PRKG1: variants seen among roughly 807,000 people sequenced by gnomAD.
PRKG1 encodes the protein protein kinase cGMP-dependent 1, also known as cGMP-dependent protein kinase 1.
Under a neutral mutation model 88.1 loss-of-function variants are expected in PRKG1, and 35 were observed. The ratio of observed to expected loss-of-function variants is 0.40; its 90% CI spans 0.30 to 0.53. The LOEUF is 0.53. PRKG1 is among the 20% of genes least tolerant of loss of function. The pLI, the probability that PRKG1 is intolerant of heterozygous loss-of-function variation, is 0.59. For synonymous variants in PRKG1, 303 were observed against 292.5 expected (o/e 1.04, Z -0.37); for missense variants, 540 against 839.8 (o/e 0.64, Z 4.41).
intron 5 of PRKG1, among the ~76,000 whole-genome samples, chr10:51,973,961 GA>G (rs1843768619): frequency 6.6e-6 from 1 of 152,198 alleles, no homozygotes; most frequent in African/African-American, 2.4e-5. Context: ...AAAATTATAT[GA>G]AATTTAAATT....
At chr10:51,686,260 A>G (rs1351716991) in intron 3 of PRKG1, among the ~76,000 whole-genome samples, 1 of 152,122 alleles carries the variant, frequency 6.6e-6, no homozygotes, top group Non-Finnish European at 1.5e-5. Flanking sequence ...GGTAATAAGC[A>G]TAGTACCCAA....
intron 1 of PRKG1, among the ~76,000 whole-genome samples, chr10:51,126,336 A>C (rs1589172949): frequency 7.7e-6 from 1 of 129,556 alleles, no homozygotes; most frequent in African/African-American, 2.9e-5. Context: ...TATATTTTAT[A>C]TTATTTTATA....
At chr10:51,942,002 T>C (rs1842919540) in intron 5 of PRKG1, among the ~76,000 whole-genome samples, 1 of 152,194 alleles carries the variant, frequency 6.6e-6, no homozygotes, top group East Asian at 1.9e-4. Flanking sequence ...GTATTTCTAG[T>C]TCTGGATCCC....
chr10:51,330,110 TTTA>T (rs1304190810), intron 2 of PRKG1, among the ~76,000 whole-genome samples: 15 of 6,608 alleles, frequency 2.3e-3, no homozygotes, highest in Admixed American at 3.8e-3. Context: ...TGCTCTTTTA[TTTA>T]TTTATTTATT....
chr10:51,386,338 G>T (rs1238986028), intron 2 of PRKG1, among the ~76,000 whole-genome samples: 1 of 152,104 alleles, frequency 6.6e-6, no homozygotes, highest in African/African-American at 2.4e-5. Context: ...CACAATTATG[G>T]AAGCTGAAAA....
Position 52,169,529 on chromosome 10 carries a change from C to T in PRKG1, c.1076+7566C>T, listed in dbSNP as rs534328397. ...CACCATCACGATGGGGATTAGGTTT[C>T]CACACATGAATTTAGGTAGGAGGCA... On this transcript the variant is annotated intron_variant, in intron 9 of 17. Coordinates refer to ENST00000373980, the MANE Select transcript of PRKG1 (RefSeq NM_006258.4). 3.0e-4 allele frequency among the ~76,000 whole-genome samples: 46 copies of T among 152,264 alleles called. 1 individual carries two copies. The highest frequency in any genetic ancestry group is 1.1e-3 in the African/African-American group (46 of 41,556).
At chr10:52,055,462 CTT>C (rs920517039) in intron 6 of PRKG1, among the ~76,000 whole-genome samples, 1 of 152,078 alleles carries the variant, frequency 6.6e-6, no homozygotes, top group Non-Finnish European at 1.5e-5. Context: ...ATTTCTAAAA[CTT>C]TTAATTTTTC....
At chr10:51,819,671 G>C (rs1476541444) in intron 4 of PRKG1, among the ~76,000 whole-genome samples, 1 of 152,148 alleles carries the variant, frequency 6.6e-6, no homozygotes, top group African/African-American at 2.4e-5. Context: ...GTCTAGGGGA[G>C]TAAGTGACCC....
chr10:52,175,038 A>G (rs1270948121), intron 9 of PRKG1, among the ~76,000 whole-genome samples: 1 of 152,026 alleles, frequency 6.6e-6, no homozygotes, highest in African/African-American at 2.4e-5. Context: ...TGAAACTATC[A>G]TTAACTGTGT....
intron 1 of PRKG1, among the ~76,000 whole-genome samples, chr10:51,111,750 A>G (rs187678687): frequency 2.6e-5 from 4 of 152,312 alleles, no homozygotes; most frequent in Admixed American, 6.5e-5. Flanking sequence ...TTTAAAAGAG[A>G]TATTTACAAA....
chr10:52,244,821 TTTAA>T (rs1564530325), intron 9 of PRKG1, among the ~76,000 whole-genome samples: 4 of 120,378 alleles, frequency 3.3e-5, no homozygotes, highest in African/African-American at 2.8e-5. Context: ...TTTAAATATA[TTTAA>T]ATATACTTTA....
chr10:52,100,888 A>G (rs955032774), intron 7 of PRKG1, among the ~76,000 whole-genome samples: 2 of 152,232 alleles, frequency 1.3e-5, no homozygotes, highest in African/African-American at 4.8e-5. Context: ...CTTAAAGGAA[A>G]TAATATTTTC....
At chr10:51,244,544 G>T (rs929436216) in intron 2 of PRKG1, among the ~76,000 whole-genome samples, 2 of 151,788 alleles carry the variant, frequency 1.3e-5, no homozygotes, top group African/African-American at 4.8e-5. Flanking sequence ...GAATCCAAAG[G>T]CCCCGTTTTA....
At chr10:51,602,169 A>T (rs986533044) in intron 3 of PRKG1, among the ~76,000 whole-genome samples, 2 of 152,174 alleles carry the variant, frequency 1.3e-5, no homozygotes, top group African/African-American at 4.8e-5. Context: ...GGGTTCGCTC[A>T]ACACAAATAT....
At chr10:51,225,738 T>TA (rs1468733671) in intron 2 of PRKG1, among the ~76,000 whole-genome samples, 1 of 152,078 alleles carries the variant, frequency 6.6e-6, no homozygotes, top group Non-Finnish European at 1.5e-5. Context: ...ACTGAGACTT[T>TA]AAAAAATCTC....
At chr10:51,308,220 TGTGA>T (rs1434909256) in intron 2 of PRKG1, among the ~76,000 whole-genome samples, 5 of 152,192 alleles carry the variant, frequency 3.3e-5, no homozygotes, top group Non-Finnish European at 7.3e-5. Flanking sequence ...TTGTAATTTC[TGTGA>T]GTAATTGTGG....
chr10:51,435,077 C>G (rs1458055114), intron 2 of PRKG1, among the ~76,000 whole-genome samples: 7 of 152,006 alleles, frequency 4.6e-5, no homozygotes, highest in Admixed American at 1.3e-4. Context: ...CACTACAACT[C>G]TATTTATAAA....
At chr10:51,707,937 T>C (rs1419357838) in intron 3 of PRKG1, among the ~76,000 whole-genome samples, 2 of 152,228 alleles carry the variant, frequency 1.3e-5, no homozygotes, top group Admixed American at 1.3e-4. Context: ...ATCTAATGTT[T>C]ATAGGAATGT....
At chr10:51,161,834 A>G (rs1240782488) in intron 2 of PRKG1, among the ~76,000 whole-genome samples, 1 of 152,200 alleles carries the variant, frequency 6.6e-6, no homozygotes, top group Non-Finnish European at 1.5e-5. Context: ...TAGAAACAAA[A>G]CAGCATAGCT....
Sources: gnomAD v4.1 joint callset for allele counts (sites outside exome capture counted in the v4.1 genomes callset) on GRCh38, gnomAD v4.1.1 for gene constraint, MANE v1.5 for transcripts, NCBI Gene and HGNC (gene_info 2026-07-23, HGNC 2026-07-21) for gene names.